The following NRXN1 variants were observed in gnomAD, a reference collection of about 807,000 sequenced individuals.
NRXN1 encodes neurexin-1.
A neutral mutation model predicts 150.9 loss-of-function variants in NRXN1; 39 were observed. The ratio of observed to expected loss-of-function variants is 0.26; its 90% CI spans 0.20 to 0.34. The LOEUF (loss-of-function observed/expected upper bound fraction) is 0.34. NRXN1 is among the 10% of genes least tolerant of loss of function. The pLI, the probability that NRXN1 is intolerant of heterozygous loss-of-function variation, is 1.00. For missense variants in NRXN1, 1,815 were observed against 1,949.9 expected (o/e 0.93, Z 1.30); for synonymous variants, 924 against 757.0 (o/e 1.22, Z -3.62).
chr2:50,763,184 C>G (rs543187610), intron 5 of NRXN1, among the ~76,000 whole-genome samples: 1 of 151,932 alleles, frequency 6.6e-6, no homozygotes, highest in African/African-American at 2.4e-5. Flanking sequence ...CGACTAGTTC[C>G]TGTAATTGAC....
At chr2:50,919,474 T>C (rs1211535150) in intron 5 of NRXN1, 1 of 151,504 alleles carries the variant, frequency 6.6e-6, no homozygotes, top group African/African-American at 2.4e-5. Context: ...ATGAAGATGT[T>C]CTTGAATTTA....
At chr2:50,521,510 A>G (rs924366438) in intron 12 of NRXN1, among the ~76,000 whole-genome samples, 1 of 152,138 alleles carries the variant, frequency 6.6e-6, no homozygotes, top group Non-Finnish European at 1.5e-5. Flanking sequence ...TTTCTTATCC[A>G]TCTTGCTTTT....
intron 2 of NRXN1, among the ~76,000 whole-genome samples, chr2:50,957,895 C>A (rs1033142126): frequency 6.6e-6 from 1 of 151,894 alleles, no homozygotes; most frequent in Non-Finnish European, 1.5e-5. Context: ...ATAGTATCCA[C>A]TGAGAACAGT....
rs756678360 is a variant in NRXN1 at position 51,027,593 on chromosome 2, C to A, written c.681G>T (p.Val227=). ...CEAGEEGEGG[V]CLNGGVCSVV... Reference sequence around the variant, plus strand: ...CGGAGCACACACCTCCGTTGAGGCACACCCCGCCCTCGCCCTCCTCGCCCG... The same window carrying A: ...CGGAGCACACACCTCCGTTGAGGCAAACCCCGCCCTCGCCCTCCTCGCCCG... The change falls in exon 2 of 23, where the codon GTG becomes GTT. Residue 227 remains valine (V), a synonymous_variant. Transcript: ENST00000401669. The A allele has an allele frequency of 6.2e-7, 1 of 1,606,080 alleles. No individual in the cohort carries two copies. The highest frequency in any genetic ancestry group is 8.5e-7 in the Non-Finnish European group (1 of 1,176,160).
chr2:50,126,828 G>A (rs1194494923), intron 18 of NRXN1, among the ~76,000 whole-genome samples: 2 of 152,044 alleles, frequency 1.3e-5, no homozygotes. Flanking sequence ...AGGATGGGAA[G>A]ATAGTAATCA....
intron 5 of NRXN1, among the ~76,000 whole-genome samples, chr2:50,692,617 T>C (rs917210933): frequency 2.0e-5 from 3 of 152,174 alleles, no homozygotes; most frequent in Non-Finnish European, 4.4e-5. Flanking sequence ...TTATGATCCA[T>C]CAACAAAAAG....
chr2:50,847,700 C>T (rs893870828), intron 5 of NRXN1, among the ~76,000 whole-genome samples: 4 of 152,098 alleles, frequency 2.6e-5, no homozygotes, highest in Admixed American at 1.3e-4. Flanking sequence ...TGCTGGACGG[C>T]GAGAGAACAT....
At chr2:50,064,508 G>C (rs774996705) in intron 19 of NRXN1, among the ~76,000 whole-genome samples, 3 of 151,424 alleles carry the variant, frequency 2.0e-5, no homozygotes, top group Non-Finnish European at 4.4e-5. Flanking sequence ...TTCTGCAAGT[G>C]CTTCAATTCT....
intron 5 of NRXN1, among the ~76,000 whole-genome samples, chr2:50,706,476 A>G (rs1694457625): frequency 6.6e-6 from 1 of 150,650 alleles, no homozygotes; most frequent in Admixed American, 6.6e-5. Context: ...TAGCAATTGG[A>G]GAATTAGAAT....
At chr2:50,456,261 G>C (rs2087547258) in intron 17 of NRXN1, among the ~76,000 whole-genome samples, 2 of 152,022 alleles carry the variant, frequency 1.3e-5, no homozygotes, top group Non-Finnish European at 2.9e-5. Context: ...AAATGCCCTT[G>C]TACCTTCCTA....
chr2:50,798,942 T>A (rs1026028773), intron 5 of NRXN1, among the ~76,000 whole-genome samples: 1 of 152,210 alleles, frequency 6.6e-6, no homozygotes, highest in African/African-American at 2.4e-5. Flanking sequence ...GCATTTTTAT[T>A]TCTCTGTTGT....
At chr2:50,765,254 T>G (rs1702250549) in intron 5 of NRXN1, among the ~76,000 whole-genome samples, 1 of 152,000 alleles carries the variant, frequency 6.6e-6, no homozygotes, top group African/African-American at 2.4e-5. Context: ...CCCTAATTGT[T>G]CACTTCAAAA....
At chr2:50,764,591 C>T (rs191004607) in intron 5 of NRXN1, among the ~76,000 whole-genome samples, 134 of 152,040 alleles carry the variant, frequency 8.8e-4, no homozygotes, top group African/African-American at 3.1e-3. Context: ...TCGTTATACC[C>T]ATTTTGTAGA....
intron 5 of NRXN1, among the ~76,000 whole-genome samples, chr2:50,660,465 A>G (rs1687132066): frequency 6.6e-6 from 1 of 152,034 alleles, no homozygotes. Context: ...TACTTGCAAA[A>G]AGAAATCTTT....
At chr2:50,295,369 G>C (rs1353931615) in intron 17 of NRXN1, among the ~76,000 whole-genome samples, 2 of 152,092 alleles carry the variant, frequency 1.3e-5, no homozygotes. Context: ...TTTTATGAAA[G>C]ATCATTAGAC....
At chr2:50,879,537 T>C (rs1429225433) in intron 5 of NRXN1, among the ~76,000 whole-genome samples, 3 of 151,940 alleles carry the variant, frequency 2.0e-5, no homozygotes, top group Non-Finnish European at 4.4e-5. Flanking sequence ...AATCCCTTCA[T>C]TTAATAATCT....
At chr2:50,693,212 T>C (rs941067258) in intron 5 of NRXN1, among the ~76,000 whole-genome samples, 1 of 152,130 alleles carries the variant, frequency 6.6e-6, no homozygotes, top group Admixed American at 6.5e-5. Flanking sequence ...AGGAAAAATA[T>C]AGATCCTGTG....
At chr2:50,262,525 ACCAC>A (rs2152913639) in intron 17 of NRXN1, among the ~76,000 whole-genome samples, 1 of 152,044 alleles carries the variant, frequency 6.6e-6, no homozygotes, top group South Asian at 2.1e-4. Context: ...ATTAGGCAAA[ACCAC>A]CCTGGCTGAT....
rs141897121 is a variant in NRXN1 at position 50,557,861 on chromosome 2, C to T, written c.1321-4836G>A. Among the ~76,000 whole-genome samples, 998 of 152,224 alleles carry T rather than the reference C, an allele frequency of 6.6e-3. 7 individuals carry two copies. Among genetic ancestry groups the T allele is most frequent in the African/African-American group, 0.022 (912 of 41,532 alleles). ...TAAGGGAATTAAATAGTGCTGAGAC[C>T]AGCAGGATCAAAGGTATTCAGCAGA... On this transcript the variant is annotated intron_variant, in intron 8 of 22. Coordinates refer to ENST00000401669, the MANE Select transcript of NRXN1 (RefSeq NM_001330078.2).
Sources: gnomAD v4.1 joint callset for allele counts (sites outside exome capture counted in the v4.1 genomes callset) on GRCh38, gnomAD v4.1.1 for gene constraint, MANE v1.5 for transcripts, NCBI Gene and HGNC (gene_info 2026-07-23, HGNC 2026-07-21) for gene names.